The following MAGI2 variants were observed in gnomAD, a reference collection of about 807,000 sequenced individuals.
The protein encoded by MAGI2 is membrane-associated guanylate kinase, WW and PDZ domain-containing protein 2.
Under a neutral mutation model 133.3 loss-of-function variants are expected in MAGI2, and 35 were observed. That is an observed-to-expected ratio of 0.26 (90% CI 0.20 to 0.35). The LOEUF is 0.35. Ranked by LOEUF, MAGI2 falls within the 10% of genes least tolerant of loss-of-function variation. The pLI is 1.00. For synonymous variants in MAGI2, 729 were observed against 710.6 expected, an observed-to-expected ratio of 1.03 and a Z score of -0.41; for missense variants, 1,636 against 1,863.4, an observed-to-expected ratio of 0.88 and a Z score of 2.25.
At chr7:78,113,586 C>A (rs1819571707) in intron 20 of MAGI2, among the ~76,000 whole-genome samples, 1 of 152,122 alleles carries the variant, frequency 6.6e-6, no homozygotes, top group Non-Finnish European at 1.5e-5. Flanking sequence ...GTATTCAGTA[C>A]AATAACATGC....
chr7:78,521,629 G>T lies in MAGI2; in HGVS notation c.555C>A (p.Thr185=). ...GTGCTGGTTCTGCTGGCGGCTTTGGGGTACCGTAGTAATTGTCTGCAAACA... is the reference window on the plus strand; with the variant it reads ...GTGCTGGTTCTGCTGGCGGCTTTGGTGTACCGTAGTAATTGTCTGCAAACA... The part of the protein sequence containing the change: ...SGTYEDNYYG[T]PKPPAEPAPL... The change falls in exon 4 of 22, where the codon ACC becomes ACA. Residue 185 remains threonine, a synonymous_variant. Coordinates refer to ENST00000354212, the MANE Select transcript of MAGI2 (RefSeq NM_012301.4). 6.2e-7 allele frequency: 1 copy of T among 1,613,966 alleles called. No individual in the cohort carries two copies. The highest frequency in any genetic ancestry group is 8.5e-7 in the Non-Finnish European group (1 of 1,179,976).
chr7:78,138,005 T>C (rs1822344254), intron 16 of MAGI2, among the ~76,000 whole-genome samples: 1 of 152,218 alleles, frequency 6.6e-6, no homozygotes, highest in Non-Finnish European at 1.5e-5. Context: ...TTTGATATCA[T>C]TACAAGTTTA....
At chr7:78,844,766 C>T (rs1302029495) in intron 2 of MAGI2, among the ~76,000 whole-genome samples, 1 of 151,592 alleles carries the variant, frequency 6.6e-6, no homozygotes, top group African/African-American at 2.4e-5. Flanking sequence ...ATAGTAAAAC[C>T]CACTGAATTG....
chr7:79,027,758 A>C (rs1001676945), intron 1 of MAGI2, among the ~76,000 whole-genome samples: 2 of 152,184 alleles, frequency 1.3e-5, no homozygotes, highest in Non-Finnish European at 2.9e-5. Context: ...TGTATTAATA[A>C]ATCATAGCAT....
At chr7:78,651,969 T>TC (rs5885082) in intron 2 of MAGI2, among the ~76,000 whole-genome samples, 137,188 of 152,160 alleles carry the variant, frequency 0.9, 62,037 homozygotes, top group East Asian at 1. Context: ...GTAAACACCA[T>TC]TGAAACATCA....
chr7:78,221,402 T>G (rs1189760815), intron 10 of MAGI2, among the ~76,000 whole-genome samples: 1 of 152,194 alleles, frequency 6.6e-6, no homozygotes, highest in Admixed American at 6.5e-5. Context: ...TCAAATTAAC[T>G]TAGGTTGTGA....
chr7:78,539,024 C>T (rs550382021), intron 3 of MAGI2, among the ~76,000 whole-genome samples: 1 of 152,248 alleles, frequency 6.6e-6, no homozygotes, highest in South Asian at 2.1e-4. Flanking sequence ...ACTTCCAGTA[C>T]TATGTTGAAT....
chr7:78,624,687 A>T (rs958605723), intron 3 of MAGI2, among the ~76,000 whole-genome samples: 1 of 140,652 alleles, frequency 7.1e-6, no homozygotes, highest in Admixed American at 7.5e-5. Context: ...AGAACAGCTA[A>T]TGGATGCTAG....
chr7:78,336,785 A>T (rs201224618), intron 9 of MAGI2, among the ~76,000 whole-genome samples: 1 of 92,204 alleles, frequency 1.1e-5, no homozygotes, highest in Admixed American at 1.4e-4. Context: ...AGAAGAAAAG[A>T]AAGAAGAAAA....
intron 7 of MAGI2, chr7:78,358,177 A>T (rs1792306306): frequency 1.8e-5 from 1 of 56,424 alleles, no homozygotes; most frequent in African/African-American, 6.7e-5. Context: ...AAAAAAAAAA[A>T]AAAAAAAAAA....
At chr7:79,215,054 A>C (rs1192767087) in intron 1 of MAGI2, among the ~76,000 whole-genome samples, 1 of 151,726 alleles carries the variant, frequency 6.6e-6, no homozygotes, top group Non-Finnish European at 1.5e-5. Context: ...GACCCCCTCT[A>C]AGCCAAGGGC....
chr7:78,038,632 A>G (rs1810488218), intron 21 of MAGI2, among the ~76,000 whole-genome samples: 1 of 152,176 alleles, frequency 6.6e-6, no homozygotes, highest in Non-Finnish European at 1.5e-5. Context: ...CTCCCCAGGG[A>G]TTCACATGCG....
intron 1 of MAGI2, among the ~76,000 whole-genome samples, chr7:79,082,163 A>T (rs569720429): frequency 6.6e-6 from 1 of 152,184 alleles, no homozygotes; most frequent in South Asian, 2.1e-4. Flanking sequence ...CTTCCATCAC[A>T]TGAGTTCCCT....
chr7:79,353,722 T>C (rs964135143), intron 1 of MAGI2: 1 of 276,970 alleles, frequency 3.6e-6, no homozygotes, highest in Non-Finnish European at 7.4e-6. Flanking sequence ...TGTTGGGCTC[T>C]TCCTGATTAG....
At chr7:78,639,054 A>G (rs908228950) in intron 2 of MAGI2, among the ~76,000 whole-genome samples, 2 of 152,192 alleles carry the variant, frequency 1.3e-5, no homozygotes, top group African/African-American at 4.8e-5. Flanking sequence ...CCTCTAAGCA[A>G]TGCAGACACA....
At chr7:78,265,052 C>G (rs924534239) in intron 9 of MAGI2, among the ~76,000 whole-genome samples, 3 of 151,796 alleles carry the variant, frequency 2.0e-5, no homozygotes, top group Non-Finnish European at 4.4e-5. Context: ...ATCTGTGTGA[C>G]CCAGTGCAGA....
intron 1 of MAGI2, among the ~76,000 whole-genome samples, chr7:79,207,931 A>G (rs1003469802): frequency 6.6e-6 from 1 of 151,916 alleles, no homozygotes; most frequent in Non-Finnish European, 1.5e-5. Context: ...GAACACACAA[A>G]TGAGAAATGC....
At chr7:78,176,300 C>T (rs984399225) in intron 14 of MAGI2, among the ~76,000 whole-genome samples, 1 of 152,192 alleles carries the variant, frequency 6.6e-6, no homozygotes, top group Non-Finnish European at 1.5e-5. Context: ...TTGGCAAAAG[C>T]ACCTTCATGT....
chr7:79,186,183 C>A (rs1300600318), intron 1 of MAGI2, among the ~76,000 whole-genome samples: 1 of 126,596 alleles, frequency 7.9e-6, no homozygotes, highest in Non-Finnish European at 1.6e-5. Flanking sequence ...GCCCTATTTG[C>A]CTGGGAAAAT....
Sources: gnomAD v4.1 joint callset for allele counts (sites outside exome capture counted in the v4.1 genomes callset) on GRCh38, gnomAD v4.1.1 for gene constraint, MANE v1.5 for transcripts, NCBI Gene and HGNC (gene_info 2026-07-23, HGNC 2026-07-21) for gene names.